The following FOLR2 variants were observed in gnomAD, a reference collection of about 807,000 sequenced individuals.
The protein encoded by FOLR2 is folate receptor 2 (fetal).
Under a neutral mutation model 20.4 loss-of-function variants are expected in FOLR2, and 14 were observed. The observed-to-expected ratio is 0.68, with a 90% CI of 0.45 to 1.07. The LOEUF is 1.07. FOLR2 is among the 50% of genes least tolerant of loss of function. FOLR2 has a pLI of 0.00. For missense variants in FOLR2, 269 were observed against 322.6 expected (o/e 0.83, Z 1.27); for synonymous variants, 114 against 114.3 (o/e 1.00, Z 0.02).
Position 72,221,815 on chromosome 11 carries a change from A to C in FOLR2, c.*53A>C. On this transcript the variant is annotated 3_prime_UTR_variant, in exon 5 of 5. Transcript: ENST00000298223. ...CAGCTTGGATAACCAGGCTGGGCTC[A>C]GCTCAGCTCCCACAAATGACAGCCC... The C allele has an allele frequency of 6.5e-7, 1 of 1,549,560 alleles. No individual in the cohort carries two copies. The highest frequency in any genetic ancestry group is 1.2e-5 in the South Asian group (1 of 84,260).
chr11:72,221,229 G>C lies in FOLR2; in HGVS notation c.393G>C (p.Glu131Asp), dbSNP rs1371210691. 1.9e-6 allele frequency: 3 copies of C among 1,613,756 alleles called. No individual in the cohort carries two copies. The Admixed American group carries it at 5.0e-5, about 27-fold the overall frequency. Residue 131 changes from glutamate to aspartate, a missense_variant, in exon 4 of 5, where the codon GAG (glutamate) becomes GAC (aspartate). Transcript: ENST00000298223. ...ERFLDVPLCKEDCQRWWEDCH... is the reference protein window; with the variant it reads ...ERFLDVPLCKDDCQRWWEDCH... Reference sequence around the variant, plus strand: ...TCCTGGATGTGCCCTTATGCAAAGAGGACTGTCAGCGCTGGTGGGAGGATT... The same window carrying C: ...TCCTGGATGTGCCCTTATGCAAAGACGACTGTCAGCGCTGGTGGGAGGATT...
At chr11:72,218,024 G>A (rs535628058) in intron 1 of FOLR2, among the ~76,000 whole-genome samples, 1 of 152,234 alleles carries the variant, frequency 6.6e-6, no homozygotes, top group African/African-American at 2.4e-5. Flanking sequence ...TTCCATTTCC[G>A]TATCATTTAA....
chr11:72,220,263 C>G (rs952631665), intron 2 of FOLR2, among the ~76,000 whole-genome samples: 4 of 152,218 alleles, frequency 2.6e-5, no homozygotes, highest in African/African-American at 9.7e-5. Context: ...TATTCAAACT[C>G]CATTACTCCA....
At position 72,221,069 on chromosome 11, in the gene FOLR2, T is replaced by TCTCCC; in HGVS notation, c.339+12_339+13insTCCCC. 2.8e-6 allele frequency: 2 copies of TCTCCC among 717,300 alleles called. No individual in the cohort carries two copies. The highest frequency in any genetic ancestry group is 4.4e-6 in the Non-Finnish European group (2 of 458,082). The allele number at this position is 717,300 out of a possible 1,614,324, so 44.4% of individuals were successfully genotyped here. On this transcript the variant is annotated intron_variant, in intron 3 of 4. Coordinates refer to ENST00000298223, the MANE Select transcript of FOLR2 (RefSeq NM_000803.5). ...CCCTGGATCCAGCAGGTAGGGTGTC[T>TCTCCC]CCCCCCCACCCACCCCAGCAGACTG...
In FOLR2 at chr11:72,218,597, T is replaced by A. The variant is rs1373995744; in HGVS notation, c.13T>A (p.Trp5Arg). The change falls in exon 2 of 5, where the codon TGG becomes AGG. Residue 5 changes from tryptophan (W) to arginine (R), a missense_variant. By Grantham distance (101) the Trp-to-Arg change is moderately radical. Coordinates refer to ENST00000298223, the MANE Select transcript of FOLR2 (RefSeq NM_000803.5). ...GGGACAGAAAGACATGGTCTGGAAA[T>A]GGATGCCACTTCTGCTGCTTCTGGT... MVWK[W>R]MPLLLLLVCV... The A allele has an allele frequency of 2.5e-6, 4 of 1,613,404 alleles. No homozygotes were observed. The highest frequency in any genetic ancestry group is 3.3e-4 in the Middle Eastern group (2 of 6,062).
Position 72,221,678 on chromosome 11 carries a change from T to C in FOLR2, c.684T>C (p.His228=), listed in dbSNP as rs1489362800. Residue 228 remains histidine, a synonymous_variant, in exon 5 of 5, where the codon CAT becomes CAC. Transcript: ENST00000298223. ...EVARFYAAAM[H]VNAGEMLHGT... ...CGAGGTTCTATGCTGCAGCCATGCA[T>C]GTGAATGCTGGTGAGATGCTTCATG... The C allele has an allele frequency of 1.2e-6, 2 of 1,614,144 alleles. No individual in the cohort carries two copies. Among genetic ancestry groups the C allele is most frequent in the Non-Finnish European group, 1.7e-6 (2 of 1,179,996 alleles).
intron 1 of FOLR2, among the ~76,000 whole-genome samples, chr11:72,218,043 C>T (rs1424207188): frequency 6.6e-6 from 1 of 152,106 alleles, no homozygotes; most frequent in Non-Finnish European, 1.5e-5. Flanking sequence ...AACCAAACAC[C>T]ATCCTGTGGG....
chr11:72,218,681 G>T lies in FOLR2; in HGVS notation c.97G>T (p.Asp33Tyr), dbSNP rs1445487051. 6.2e-7 allele frequency: 1 copy of T among 1,612,956 alleles called. No homozygotes were observed. Among genetic ancestry groups the T allele is most frequent in the South Asian group, 1.1e-5 (1 of 90,828 alleles). Residue 33 changes from aspartate to tyrosine, a missense_variant, in exon 2 of 5, where the codon GAT becomes TAT. Transcript: ENST00000298223. ...GACTGATCTCCTCAATGTCTGTATGGATGCCAAGCACCACAAGACAAAGCC... is the reference window on the plus strand; with the variant it reads ...GACTGATCTCCTCAATGTCTGTATGTATGCCAAGCACCACAAGACAAAGCC... ...DRTDLLNVCM[D>Y]AKHHKTKPGP... is the part of the protein sequence containing the mutation.
Position 72,220,963 on chromosome 11 carries a change from C to T in FOLR2, c.244C>T (p.His82Tyr). 6.2e-7 allele frequency: 1 copy of T among 1,614,004 alleles called. No individual in the cohort carries two copies. The highest frequency in any genetic ancestry group is 8.5e-7 in the Non-Finnish European group (1 of 1,179,898). ...TSRLYNFNWD[H>Y]CGKMEPACKR... is the part of the protein sequence containing the mutation. ...CCGCCTGTACAACTTTAACTGGGAC[C>T]ACTGCGGCAAGATGGAGCCCGCCTG... Residue 82 changes from histidine to tyrosine, a missense_variant, in exon 3 of 5, where the codon CAC becomes TAC. By Grantham distance (83) the His-to-Tyr change is moderately conservative. Coordinates refer to ENST00000298223, the MANE Select transcript of FOLR2 (RefSeq NM_000803.5).
At chr11:72,220,837 G>T in intron 2 of FOLR2, 33 bp from the exon 3 acceptor site, 1 of 1,613,084 alleles carries the variant, frequency 6.2e-7, no homozygotes, top group Non-Finnish European at 8.5e-7. Context: ...GAGGGTATGG[G>T]GAGGCACTTA....
chr11:72,221,426 G>A, intron 4 of FOLR2, 44 bp from the exon 5 acceptor site: 1 of 1,601,406 alleles, frequency 6.2e-7, no homozygotes. Flanking sequence ...TGAGCTTTGG[G>A]CCCAGGGGCT....
Position 72,221,256 on chromosome 11 carries a change from T to C in FOLR2, c.420T>C (p.Cys140=). The C allele has an allele frequency of 6.2e-7, 1 of 1,613,842 alleles. No homozygotes were observed. The highest frequency in any genetic ancestry group is 1.7e-4 in the Middle Eastern group (1 of 6,060). The change falls in exon 4 of 5, where the codon TGT becomes TGC. Residue 140 remains cysteine, a synonymous_variant. Coordinates refer to ENST00000298223, the MANE Select transcript of FOLR2 (RefSeq NM_000803.5). The part of the protein sequence containing the change: ...KEDCQRWWED[C]HTSHTCKSNW... ...ACTGTCAGCGCTGGTGGGAGGATTG[T>C]CACACCTCCCACACGTGCAAGAGCA...
At chr11:72,216,948 G>C in intron 1 of FOLR2, 23 bp downstream of exon 1, 3 of 1,599,184 alleles carry the variant, frequency 1.9e-6, no homozygotes, top group Non-Finnish European at 2.5e-6. Flanking sequence ...AAGGAGGGAA[G>C]GGTGACAAGG....
intron 1 of FOLR2, among the ~76,000 whole-genome samples, chr11:72,218,358 C>A (rs1948426504): frequency 1.3e-5 from 2 of 152,224 alleles, no homozygotes; most frequent in South Asian, 4.1e-4. Flanking sequence ...CGCCAGTTCT[C>A]CTGAGCCTTT....
intron 1 of FOLR2, 35 bp downstream of exon 1, chr11:72,216,960 C>A (rs1948399968): frequency 6.3e-7 from 1 of 1,597,088 alleles, no homozygotes. Flanking sequence ...GTGACAAGGG[C>A]AGTGGGGAGA....
In FOLR2 at chr11:72,221,565, T is replaced by TA; in HGVS notation, c.572dup (p.Tyr191Ter). The TA allele has an allele frequency of 6.2e-7, 1 of 1,614,076 alleles. No homozygotes were observed. The highest frequency in any genetic ancestry group is 1.3e-5 in the African/African-American group (1 of 75,008). ...TTGTGAAGGCCTCTGGAGTCACTCA[T>TA]ACAAGGTCAGCAACTACAGCCGAGG... ...ALCEGLWSHS[Y>*]KVSNYSRGSG... Residue 191 changes from tyrosine (Y) to a stop codon, truncating the protein, a stop_gained and frameshift_variant, in exon 5 of 5, where the codon TAC becomes TAAC. Transcript: ENST00000298223. LOFTEE classifies it low-confidence loss of function (END_TRUNC).
intron 1 of FOLR2, chr11:72,217,563 C>T (rs554012521): frequency 3.6e-4 from 143 of 396,876 alleles, no homozygotes; most frequent in African/African-American, 2.8e-3. Context: ...ACAGAGGAGG[C>T]GAGGGCTGCT....
intron 2 of FOLR2, among the ~76,000 whole-genome samples, chr11:72,219,010 G>T (rs1193017308): frequency 6.6e-6 from 1 of 152,156 alleles, no homozygotes; most frequent in Non-Finnish European, 1.5e-5. Context: ...TATTCCCAGG[G>T]GTTCTTGGAT....
Position 72,221,572 on chromosome 11 carries a change from T to C in FOLR2, c.578T>C (p.Val193Ala), listed in dbSNP as rs757921331. The C allele has an allele frequency of 1.9e-6, 3 of 1,614,088 alleles. No individual in the cohort carries two copies. The highest frequency in any genetic ancestry group is 2.5e-6 in the Non-Finnish European group (3 of 1,180,016). The change falls in exon 5 of 5, where the codon GTC (valine) becomes GCC (alanine). Residue 193 changes from valine to alanine, a missense_variant. By Grantham distance (64) the Val-to-Ala change is moderately conservative. Coordinates refer to ENST00000298223, the MANE Select transcript of FOLR2 (RefSeq NM_000803.5). Reference sequence around the variant, plus strand: ...GGCCTCTGGAGTCACTCATACAAGGTCAGCAACTACAGCCGAGGGAGCGGC... The same window carrying C: ...GGCCTCTGGAGTCACTCATACAAGGCCAGCAACTACAGCCGAGGGAGCGGC... ...CEGLWSHSYK[V>A]SNYSRGSGRC...
Sources: gnomAD v4.1 joint callset for allele counts (sites outside exome capture counted in the v4.1 genomes callset) on GRCh38, gnomAD v4.1.1 for gene constraint, MANE v1.5 for transcripts, NCBI Gene and HGNC (gene_info 2026-07-23, HGNC 2026-07-21) for gene names.